The following PRLR variants were observed in gnomAD, a reference collection of about 807,000 sequenced individuals.
PRLR encodes the protein hPRL receptor.
In PRLR, 13 loss-of-function variants were observed where a neutral mutation model predicts 40.2. The ratio of observed to expected loss-of-function variants is 0.32; its 90% confidence interval spans 0.21 to 0.51. The LOEUF (loss-of-function observed/expected upper bound fraction) is 0.51. Ranked by LOEUF, PRLR falls within the 20% of genes least tolerant of loss-of-function variation. The pLI, the probability that PRLR is intolerant of heterozygous loss-of-function variation, is 0.97. For synonymous variants in PRLR, 269 were observed against 278.7 expected, an observed-to-expected ratio of 0.97 and a Z score of 0.35; for missense variants, 656 against 747.3, an observed-to-expected ratio of 0.88 and a Z score of 1.42.
intron 1 of PRLR, among the ~76,000 whole-genome samples, chr5:35,205,767 G>T (rs1302060936): frequency 6.6e-6 from 1 of 152,150 alleles, no homozygotes; most frequent in Non-Finnish European, 1.5e-5. Context: ...TCCTATCTCA[G>T]TGCAGAAAAC....
At chr5:35,160,547 C>G (rs1185786159) in intron 1 of PRLR, among the ~76,000 whole-genome samples, 1 of 152,194 alleles carries the variant, frequency 6.6e-6, no homozygotes, top group Admixed American at 6.5e-5. Flanking sequence ...ATGAGAGAGC[C>G]CCAGTCTATG....
chr5:35,067,685 A>C (rs959326991), intron 9 of PRLR, among the ~76,000 whole-genome samples: 8 of 152,226 alleles, frequency 5.3e-5, no homozygotes, highest in African/African-American at 1.9e-4. Flanking sequence ...CAAAACACTC[A>C]TTATTTAATT....
chr5:35,100,482 T>G (rs766385389), intron 2 of PRLR, among the ~76,000 whole-genome samples: 1 of 152,200 alleles, frequency 6.6e-6, no homozygotes, highest in Non-Finnish European at 1.5e-5. Context: ...GTTTTTACTA[T>G]ACCTTTCCTA....
chr5:35,192,553 G>C (rs951934762), intron 1 of PRLR, among the ~76,000 whole-genome samples: 3 of 152,226 alleles, frequency 2.0e-5, no homozygotes, highest in African/African-American at 7.2e-5. Context: ...TGGGAGGTGT[G>C]AGAGTCACAT....
intron 1 of PRLR, among the ~76,000 whole-genome samples, chr5:35,132,330 T>C (rs566525076): frequency 9.9e-5 from 15 of 152,234 alleles, no homozygotes; most frequent in African/African-American, 3.4e-4. Flanking sequence ...TCCTGACCCC[T>C]CTTTCTAGAA....
intron 1 of PRLR, among the ~76,000 whole-genome samples, chr5:35,212,722 T>C (rs1227701408): frequency 2.6e-5 from 4 of 152,186 alleles, no homozygotes; most frequent in Non-Finnish European, 5.9e-5. Flanking sequence ...TAACCAAGCA[T>C]GTAAAACATT....
chr5:35,113,488 T>TCCAC (rs1363185779), intron 2 of PRLR, among the ~76,000 whole-genome samples: 3 of 80,144 alleles, frequency 3.7e-5, no homozygotes, highest in African/African-American at 1.4e-4. Flanking sequence ...CATCCATCCA[T>TCCAC]CCACCCACCC....
chr5:35,206,772 A>G (rs1461681729), intron 1 of PRLR, among the ~76,000 whole-genome samples: 2 of 152,130 alleles, frequency 1.3e-5, no homozygotes, highest in African/African-American at 4.8e-5. Flanking sequence ...AACCCAAATC[A>G]TAGTCCATAT....
At chr5:35,210,242 T>C (rs1009022044) in intron 1 of PRLR, among the ~76,000 whole-genome samples, 1 of 152,218 alleles carries the variant, frequency 6.6e-6, no homozygotes, top group Non-Finnish European at 1.5e-5. Flanking sequence ...ATAAATGCAA[T>C]TGAATTTGAT....
rs148871273 is a variant in PRLR, at chr5:35,150,363, C to A, written c.-105-32241G>T. Among the ~76,000 whole-genome samples the A allele has an allele frequency of 9.6e-4, 146 of 152,218 alleles. No homozygotes were observed. In the East Asian group the frequency reaches 0.016, roughly 17 times the overall value. The stretch of plus-strand genomic sequence containing the variant: ...AAACAGCTCCTGATGGTTTTTGTTG[C>A]GGTCATTGTTGAAATGCAACGATGG... On this transcript the variant is annotated intron_variant, in intron 1 of 9. Transcript: ENST00000618457.
chr5:35,068,260 C>T lies in PRLR; in HGVS notation c.811G>A (p.Val271Ile). 1 of 1,613,392 alleles carries T rather than the reference C, an allele frequency of 6.2e-7. No individual in the cohort carries two copies. Among genetic ancestry groups the T allele is most frequent in the Non-Finnish European group, 8.5e-7 (1 of 1,179,364 alleles). The change falls in exon 9 of 10, where the codon GTT becomes ATT. Residue 271 changes from valine to isoleucine, a missense_variant. Val to Ile is a conservative substitution (Grantham distance 29). This residue lies in a region of PRLR where 469 missense variants were observed against 491.5 expected (regional missense o/e 0.95). Coordinates refer to ENST00000618457, the MANE Select transcript of PRLR (RefSeq NM_000949.7). Reference sequence around the variant, plus strand: ...AATCCTTTTATTTTTGGCCCAGGAACTGGCGGAAAGATGCAGGTCACCATG... The same window carrying T: ...AATCCTTTTATTTTTGGCCCAGGAATTGGCGGAAAGATGCAGGTCACCATG... ...YSMVTCIFPP[V>I]PGPKIKGFDA...
chr5:35,081,364 TCTGAG>T (rs1425449120), intron 5 of PRLR: 1 of 215,738 alleles, frequency 4.6e-6, no homozygotes, highest in Non-Finnish European at 9.2e-6. Flanking sequence ...CAAGGTCATC[TCTGAG>T]CTGAATGGGA....
At chr5:35,153,718 A>ACG (rs1491301208) in intron 1 of PRLR, among the ~76,000 whole-genome samples, 1 of 52,658 alleles carries the variant, frequency 1.9e-5, no homozygotes, top group Non-Finnish European at 4.1e-5. Flanking sequence ...CCACCATTGT[A>ACG]CACACACACA....
downstream of PRLR, among the ~76,000 whole-genome samples, chr5:35,052,410 T>C (rs188092986): frequency 7.2e-4 from 110 of 152,270 alleles, no homozygotes; most frequent in African/African-American, 2.6e-3. Flanking sequence ...AGATAAAAAA[T>C]TGTTAGCAAA....
chr5:35,162,421 C>T (rs1378057492), intron 1 of PRLR, among the ~76,000 whole-genome samples: 1 of 152,130 alleles, frequency 6.6e-6, no homozygotes, highest in African/African-American at 2.4e-5. Flanking sequence ...ATTTTGTATA[C>T]TTTTTATCCA....
intron 1 of PRLR, among the ~76,000 whole-genome samples, chr5:35,201,696 GTTCTC>G (rs36229648): frequency 0.57 from 86,420 of 151,052 alleles, 25,748 homozygotes; most frequent in Non-Finnish European, 0.67. Context: ...GATACTTTTA[GTTCTC>G]TTCTCTTCTC....
chr5:35,210,983 G>T (rs1776154449), intron 1 of PRLR, among the ~76,000 whole-genome samples: 1 of 152,172 alleles, frequency 6.6e-6, no homozygotes, highest in African/African-American at 2.4e-5. Context: ...AAAGTGCTGG[G>T]ACTACAGGCA....
At chr5:35,139,978 G>A (rs2111817481) in intron 1 of PRLR, among the ~76,000 whole-genome samples, 1 of 152,272 alleles carries the variant, frequency 6.6e-6, no homozygotes, top group East Asian at 1.9e-4. Flanking sequence ...AATTACATTG[G>A]TGAAAATTAA....
chr5:35,211,843 A>C (rs1189520692), intron 1 of PRLR, among the ~76,000 whole-genome samples: 1 of 152,258 alleles, frequency 6.6e-6, no homozygotes, highest in Non-Finnish European at 1.5e-5. Context: ...TGACATATTA[A>C]TAGGTTAAAC....
Sources: gnomAD v4.1 joint callset for allele counts (sites outside exome capture counted in the v4.1 genomes callset) on GRCh38, gnomAD v4.1.1 for gene constraint, gnomAD v4.1.1 regional missense constraint, MANE v1.5 for transcripts, NCBI Gene and HGNC (gene_info 2026-07-23, HGNC 2026-07-21) for gene names.